The following SLC12A8 variants were observed in gnomAD, a reference collection of about 807,000 sequenced individuals.
SLC12A8 encodes the protein cation-chloride cotransporter 9.
A neutral mutation model predicts 75.6 loss-of-function variants in SLC12A8; 69 were observed. The ratio of observed to expected loss-of-function variants is 0.91; its 90% CI spans 0.75 to 1.11. The LOEUF (loss-of-function observed/expected upper bound fraction) is 1.11. Ranked by LOEUF, SLC12A8 falls within the 50% of genes most tolerant of loss-of-function variation. The pLI is 0.00. For synonymous variants in SLC12A8, 365 were observed against 372.8 expected (o/e 0.98, Z 0.24); for missense variants, 877 against 896.7 (o/e 0.98, Z 0.28).
chr3:125,161,700 T>A (rs1472444809), intron 5 of SLC12A8, among the ~76,000 whole-genome samples: 1 of 149,702 alleles, frequency 6.7e-6, no homozygotes, highest in African/African-American at 2.5e-5. Context: ...AAAAAAAATC[T>A]AAGGAACACA....
At chr3:125,164,983 T>C (rs904873770) in intron 5 of SLC12A8, among the ~76,000 whole-genome samples, 3 of 152,196 alleles carry the variant, frequency 2.0e-5, no homozygotes, top group Non-Finnish European at 4.4e-5. Context: ...AAACCGCTCA[T>C]CAGCTATTCT....
intron 6 of SLC12A8, among the ~76,000 whole-genome samples, chr3:125,131,740 G>T (rs373096031): frequency 6.6e-6 from 1 of 152,156 alleles, no homozygotes; most frequent in Non-Finnish European, 1.5e-5. Context: ...CCCTTCTCAG[G>T]GTGGGGACAG....
chr3:125,088,170 G>T, intron 13 of SLC12A8, 140 bp downstream of exon 13: 1 of 722,154 alleles, frequency 1.4e-6, no homozygotes, highest in Non-Finnish European at 2.4e-6. Context: ...AGCAACATCT[G>T]AGTCTCCCGG....
intron 5 of SLC12A8, among the ~76,000 whole-genome samples, chr3:125,148,069 C>A (rs1190095705): frequency 6.6e-6 from 1 of 152,202 alleles, no homozygotes; most frequent in African/African-American, 2.4e-5. Context: ...ACTACCTTGA[C>A]CAATTCTATG....
chr3:125,140,504 G>C (rs922385298), intron 5 of SLC12A8, among the ~76,000 whole-genome samples: 1 of 151,912 alleles, frequency 6.6e-6, no homozygotes, highest in Non-Finnish European at 1.5e-5. Flanking sequence ...CATCTCCCCC[G>C]GCCCCATTTG....
intron 5 of SLC12A8, among the ~76,000 whole-genome samples, chr3:125,141,399 C>T (rs950958090): frequency 7.2e-5 from 11 of 152,204 alleles, no homozygotes; most frequent in Admixed American, 2.0e-4. Context: ...TAGCCAAAGG[C>T]AGGCAGCGGG....
At chr3:125,151,981 G>A (rs775632906) in intron 5 of SLC12A8, among the ~76,000 whole-genome samples, 3 of 152,170 alleles carry the variant, frequency 2.0e-5, no homozygotes, top group African/African-American at 2.4e-5. Context: ...GGAAACTGAC[G>A]CTTAGGTGAT....
chr3:125,196,020 G>A (rs1935003780), intron 2 of SLC12A8, among the ~76,000 whole-genome samples: 1 of 152,118 alleles, frequency 6.6e-6, no homozygotes, highest in Non-Finnish European at 1.5e-5. Flanking sequence ...AACATCAGCT[G>A]CAAAAAGGTT....
intron 7 of SLC12A8, 71 bp downstream of exon 7, chr3:125,120,528 C>T (rs1933027050): frequency 9.2e-7 from 1 of 1,086,254 alleles, no homozygotes; most frequent in Non-Finnish European, 1.4e-6. Flanking sequence ...ACAAAAGGGG[C>T]AATCCCTCTT....
At chr3:125,210,833 C>T (rs946218144) in intron 2 of SLC12A8, among the ~76,000 whole-genome samples, 5 of 151,542 alleles carry the variant, frequency 3.3e-5, no homozygotes, top group African/African-American at 1.2e-4. Context: ...CTACAGAATG[C>T]ATGTAACTAA....
intron 5 of SLC12A8, among the ~76,000 whole-genome samples, chr3:125,170,976 G>C (rs1477313100): frequency 1.3e-5 from 2 of 152,168 alleles, no homozygotes; most frequent in Admixed American, 6.6e-5. Context: ...TCTCCCTCTG[G>C]GGAGTAGGAG....
rs147038912 is a variant in SLC12A8 at position 125,097,528 on chromosome 3, T to TTGTGTG, written c.1706-5336_1706-5331dup. On this transcript the variant is annotated intron_variant, in intron 10 of 13. Coordinates refer to ENST00000469902, the MANE Select transcript of SLC12A8 (RefSeq NM_024628.6). ...TCAATTTTACTGAACCTAAAGGGAA[T>TTGTGTG]TGTGTGTGTGTGTGTGTGTGTGTGT... is the stretch of plus-strand genomic sequence containing the variant. 2.0e-3 allele frequency among the ~76,000 whole-genome samples: 276 copies of TTGTGTG among 139,472 alleles called. 1 individual carries two copies. The highest frequency in any genetic ancestry group is 7.4e-3 in the African/African-American group (266 of 35,746). 91.5% of individuals were successfully genotyped at this position (139,472 alleles called of 152,430 possible). A position where few individuals can be genotyped will look rare whatever the true frequency, so the allele number is the denominator to read the frequency against.
In SLC12A8 at chr3:125,092,107, C is replaced by T; in HGVS notation, c.1797G>A (p.Leu599=). The T allele has an allele frequency of 6.2e-7, 1 of 1,609,428 alleles. No individual in the cohort carries two copies. Among genetic ancestry groups the T allele is most frequent in the East Asian group, 2.2e-5 (1 of 44,824 alleles). ...TCAAGATGAAGTTACTCACCCCCAA[C>T]AGGGAGACCCAGGGGTTGCACATGT... The part of the protein sequence containing the change: ...YTHMCNPWVS[L]LGAVGSLLIM... Residue 599 remains leucine, a synonymous_variant, in exon 11 of 14, where the codon CTG becomes CTA. Transcript: ENST00000469902.
intron 4 of SLC12A8, among the ~76,000 whole-genome samples, chr3:125,181,586 C>G (rs1160441161): frequency 8.6e-6 from 1 of 116,338 alleles, no homozygotes; most frequent in African/African-American, 3.3e-5. Context: ...CCGGCCTGGG[C>G]GACAGAGCGA....
At position 125,202,630 on chromosome 3, in the gene SLC12A8, GTTT is replaced by G. The variant is rs543411392; in HGVS notation, c.51+8666_51+8668del. The stretch of plus-strand genomic sequence containing the variant: ...TAGCTAGGCGGAATGTATTAACCAT[GTTT>G]TTTTTTTTTTTTTTTTTAAATCTGT... On this transcript the variant is annotated intron_variant, in intron 2 of 13. Transcript: ENST00000469902. Among the ~76,000 whole-genome samples the G allele has an allele frequency of 6.0e-3, 885 of 147,650 alleles. 8 individuals carry two copies. Among genetic ancestry groups the G allele is most frequent in the South Asian group, 0.041 (191 of 4,636 alleles).
intron 2 of SLC12A8, among the ~76,000 whole-genome samples, chr3:125,192,952 C>T (rs554334126): frequency 2.0e-5 from 3 of 152,130 alleles, no homozygotes; most frequent in South Asian, 2.1e-4. Context: ...AGGAAAAGGA[C>T]GAAACCAAAA....
chr3:125,169,921 G>A (rs1934372486), intron 5 of SLC12A8, among the ~76,000 whole-genome samples: 1 of 151,952 alleles, frequency 6.6e-6, no homozygotes, highest in Non-Finnish European at 1.5e-5. Context: ...ATCTGACAGG[G>A]AGAGCAGAAC....
chr3:125,146,954 A>C (rs1182307346), intron 5 of SLC12A8, among the ~76,000 whole-genome samples: 1 of 152,226 alleles, frequency 6.6e-6, no homozygotes, highest in East Asian at 1.9e-4. Flanking sequence ...ATGTAGGCAG[A>C]AATCACTGTG....
At chr3:125,132,251 CTTTT>C (rs1351077337) in intron 6 of SLC12A8, among the ~76,000 whole-genome samples, 46 of 152,270 alleles carry the variant, frequency 3.0e-4, no homozygotes, top group South Asian at 1.7e-3. Flanking sequence ...GAGACTGACT[CTTTT>C]TGTTTTATAA....
Sources: gnomAD v4.1 joint callset for allele counts (sites outside exome capture counted in the v4.1 genomes callset) on GRCh38, gnomAD v4.1.1 for gene constraint, MANE v1.5 for transcripts, NCBI Gene and HGNC (gene_info 2026-07-23, HGNC 2026-07-21) for gene names.